Variants in NEGR1 observed in about 807,000 individuals in gnomAD.
NEGR1 encodes the protein neuronal growth regulator 1, also known as IgLON family member 4.
In NEGR1, 10 loss-of-function variants were observed where a neutral mutation model predicts 40.9. The ratio of observed to expected loss-of-function variants is 0.24; its 90% CI spans 0.15 to 0.42. The LOEUF is 0.42. NEGR1 is among the 10% of genes least tolerant of loss of function. The pLI is 1.00. For synonymous variants in NEGR1, 185 were observed against 166.8 expected (o/e 1.11, Z -0.84); for missense variants, 352 against 438.9 (o/e 0.80, Z 1.77).
At chr1:71,696,033 T>C (rs1458485550) in intron 4 of NEGR1, among the ~76,000 whole-genome samples, 1 of 151,816 alleles carries the variant, frequency 6.6e-6, no homozygotes. Context: ...GACAACACTC[T>C]GACTACTTCT....
intron 6 of NEGR1, among the ~76,000 whole-genome samples, chr1:71,579,218 T>C (rs777278118): frequency 7.2e-5 from 11 of 152,192 alleles, no homozygotes; most frequent in Non-Finnish European, 1.5e-4. Context: ...GCCCTCTGTG[T>C]TCCAGTCACA....
chr1:71,656,636 G>C (rs1360182161), intron 4 of NEGR1, among the ~76,000 whole-genome samples: 1 of 152,108 alleles, frequency 6.6e-6, no homozygotes, highest in Non-Finnish European at 1.5e-5. Flanking sequence ...TCCTGACCTC[G>C]TGATCCGCCC....
chr1:72,273,647 T>C (rs1388386367), intron 1 of NEGR1, among the ~76,000 whole-genome samples: 1 of 151,964 alleles, frequency 6.6e-6, no homozygotes, highest in Non-Finnish European at 1.5e-5. Context: ...ACTTTACCTT[T>C]ATTATGTAAA....
At chr1:71,583,604 TAC>T (rs1649207198) in intron 6 of NEGR1, among the ~76,000 whole-genome samples, 3 of 152,244 alleles carry the variant, frequency 2.0e-5, no homozygotes, top group Admixed American at 2.0e-4. Context: ...AGTTATTATC[TAC>T]AGTTTGTATG....
At chr1:71,579,039 T>C (rs1169177482) in intron 6 of NEGR1, among the ~76,000 whole-genome samples, 8 of 152,308 alleles carry the variant, frequency 5.3e-5, no homozygotes, top group Admixed American at 5.2e-4. Context: ...AGCATTACAG[T>C]ATTCTGGTAA....
At chr1:71,679,957 T>A (rs1652779207) in intron 4 of NEGR1, among the ~76,000 whole-genome samples, 1 of 152,042 alleles carries the variant, frequency 6.6e-6, no homozygotes, top group Non-Finnish European at 1.5e-5. Flanking sequence ...GTAATGTAAC[T>A]CAGCATTGTA....
intron 6 of NEGR1, among the ~76,000 whole-genome samples, chr1:71,501,948 A>G (rs1647002214): frequency 6.6e-6 from 1 of 152,196 alleles, no homozygotes. Flanking sequence ...TTTTTGTCCA[A>G]CTTTCTGAAG....
At chr1:71,750,737 G>A (rs958417541) in intron 3 of NEGR1, among the ~76,000 whole-genome samples, 2 of 152,144 alleles carry the variant, frequency 1.3e-5, no homozygotes, top group Non-Finnish European at 2.9e-5. Context: ...AGATTTGGGT[G>A]GGGACACAGC....
At chr1:72,013,586 C>G (rs1487424176) in intron 1 of NEGR1, among the ~76,000 whole-genome samples, 1 of 151,910 alleles carries the variant, frequency 6.6e-6, no homozygotes, top group Non-Finnish European at 1.5e-5. Flanking sequence ...AGCATAAGCA[C>G]TATAATTTGT....
At chr1:71,607,542 G>A (rs956631041) in intron 5 of NEGR1, among the ~76,000 whole-genome samples, 1 of 152,106 alleles carries the variant, frequency 6.6e-6, no homozygotes, top group African/African-American at 2.4e-5. Flanking sequence ...AGCATTCTAT[G>A]CTTTGGTTTC....
intron 1 of NEGR1, among the ~76,000 whole-genome samples, chr1:72,143,930 T>TATATAAAAAAA (rs372978582): frequency 7.1e-6 from 1 of 140,506 alleles, no homozygotes; most frequent in South Asian, 2.2e-4. Context: ...TATATATATA[T>TATATAAAAAAA]ATATATATAT....
intron 1 of NEGR1, among the ~76,000 whole-genome samples, chr1:72,191,041 GT>G (rs1652802499): frequency 6.6e-6 from 1 of 151,170 alleles, no homozygotes; most frequent in African/African-American, 2.4e-5. Flanking sequence ...TTTTATGTTG[GT>G]AAAAGTTTTA....
chr1:71,541,290 A>G (rs748697724), intron 6 of NEGR1, among the ~76,000 whole-genome samples: 22 of 151,718 alleles, frequency 1.5e-4, no homozygotes, highest in Non-Finnish European at 2.9e-4. Context: ...CAATTTTTGT[A>G]TCTCTCATTT....
chr1:72,254,490 C>A (rs1655200404), intron 1 of NEGR1, among the ~76,000 whole-genome samples: 1 of 152,034 alleles, frequency 6.6e-6, no homozygotes, highest in African/African-American at 2.4e-5. Flanking sequence ...ATCACGAGGT[C>A]AGGATATCGT....
rs1173080949 is a variant in NEGR1, at chr1:71,776,315, G to T, written c.410-18C>A. 1 of 1,489,700 alleles carries T rather than the reference G, an allele frequency of 6.7e-7. No individual in the cohort carries two copies. The highest frequency in any genetic ancestry group is 9.1e-7 in the Non-Finnish European group (1 of 1,097,520). The allele number at this position is 1,489,700 out of a possible 1,614,324, so 92.3% of individuals were successfully genotyped here. Reference sequence around the variant, plus strand: ...AGGAGGAACTGAAATGACAAAATACGCAGTGATTAGAAAAAAATATATAAA... The same window carrying T: ...AGGAGGAACTGAAATGACAAAATACTCAGTGATTAGAAAAAAATATATAAA... On this transcript the variant is annotated intron_variant, in intron 2 of 6. Coordinates refer to ENST00000357731, the MANE Select transcript of NEGR1 (RefSeq NM_173808.3).
At chr1:72,182,417 C>CG (rs1194298215) in intron 1 of NEGR1, among the ~76,000 whole-genome samples, 5 of 151,936 alleles carry the variant, frequency 3.3e-5, no homozygotes, top group Non-Finnish European at 7.4e-5. Flanking sequence ...CATTTGAACC[C>CG]GGGGGGTGGA....
intron 6 of NEGR1, among the ~76,000 whole-genome samples, chr1:71,490,238 C>T (rs1245948823): frequency 6.6e-6 from 1 of 151,858 alleles, no homozygotes; most frequent in Non-Finnish European, 1.5e-5. Flanking sequence ...GTAGCAATAA[C>T]AATTATATAT....
At chr1:72,036,238 A>T (rs137962869) in intron 1 of NEGR1, among the ~76,000 whole-genome samples, 1 of 152,190 alleles carries the variant, frequency 6.6e-6, no homozygotes. Flanking sequence ...TATTTCATAT[A>T]GCTTATTTAT....
At chr1:72,281,378 C>T (rs1374177603) in intron 1 of NEGR1, among the ~76,000 whole-genome samples, 1 of 152,024 alleles carries the variant, frequency 6.6e-6, no homozygotes, top group African/African-American at 2.4e-5. Context: ...GTGGTTCTTA[C>T]AGCATGGAAG....
Sources: gnomAD v4.1 joint callset for allele counts (sites outside exome capture counted in the v4.1 genomes callset) on GRCh38, gnomAD v4.1.1 for gene constraint, MANE v1.5 for transcripts, NCBI Gene and HGNC (gene_info 2026-07-23, HGNC 2026-07-21) for gene names.